The following RANBP17 variants were observed in gnomAD, a reference collection of about 807,000 sequenced individuals.
RANBP17 encodes RAN binding protein 17, also known as ran-binding protein 17.
RANBP17 carries 158 observed loss-of-function variants against 141.2 expected under a neutral mutation model. That is an observed-to-expected ratio of 1.12 (90% CI 0.98 to 1.28). RANBP17 has a LOEUF of 1.28. Among genes scored for constraint, RANBP17 ranks in the 50% most tolerant of loss-of-function variants. The pLI, the probability that RANBP17 is intolerant of heterozygous loss-of-function variation, is 0.00. For missense variants in RANBP17, 1,438 were observed against 1,290.7 expected (o/e 1.11, Z -1.75); for synonymous variants, 430 against 450.0 (o/e 0.96, Z 0.56).
Position 170,878,370 on chromosome 5 carries a change from A to G in RANBP17, c.165+127A>G, listed in dbSNP as rs939352591. On this transcript the variant is annotated intron_variant, in intron 2 of 27. Transcript: ENST00000523189. ...ATGGTTTTTTTGTTTTTGTGAAACT[A>G]TAGTTTCACTGTCAAAGGGGTTAAT... is the stretch of plus-strand genomic sequence containing the variant. 3.8e-5 allele frequency: 29 copies of G among 771,908 alleles called. No individual in the cohort carries two copies. In the South Asian group the frequency reaches 9.4e-4, roughly 25 times the overall value. The allele number at this position is 771,908 out of a possible 1,614,324, so 47.8% of individuals were successfully genotyped here.
intron 16 of RANBP17, among the ~76,000 whole-genome samples, chr5:171,177,237 G>C (rs918068886): frequency 2.0e-5 from 3 of 151,302 alleles, no homozygotes; most frequent in African/African-American, 7.4e-5. Context: ...CTAGAATCAG[G>C]TGTAGAATCC....
chr5:170,944,395 T>A (rs1774585852), intron 12 of RANBP17, among the ~76,000 whole-genome samples: 1 of 152,162 alleles, frequency 6.6e-6, no homozygotes, highest in Non-Finnish European at 1.5e-5. Flanking sequence ...GCCTCCTGAG[T>A]TGCTGAGATT....
chr5:171,033,082 A>G (rs1486656137), intron 14 of RANBP17, among the ~76,000 whole-genome samples: 1 of 123,496 alleles, frequency 8.1e-6, no homozygotes, highest in Non-Finnish European at 1.6e-5. Context: ...TATCCTTTCA[A>G]AGTCTGTGGC....
intron 14 of RANBP17, among the ~76,000 whole-genome samples, chr5:171,109,918 C>T (rs536765967): frequency 1.1e-3 from 165 of 152,064 alleles, no homozygotes; most frequent in African/African-American, 3.7e-3. Flanking sequence ...GTTTTAATAA[C>T]TTGGGAAACT....
chr5:171,130,211 C>G (rs1581698533), intron 14 of RANBP17, among the ~76,000 whole-genome samples: 1 of 152,046 alleles, frequency 6.6e-6, no homozygotes, highest in South Asian at 2.1e-4. Context: ...TTGGAACACT[C>G]TCCTCCCCCA....
chr5:171,048,097 TAG>T (rs1782710948), intron 14 of RANBP17, among the ~76,000 whole-genome samples: 1 of 152,192 alleles, frequency 6.6e-6, no homozygotes, highest in Non-Finnish European at 1.5e-5. Context: ...TTAATTGAGA[TAG>T]AGTCTCATCC....
At chr5:171,120,021 G>A (rs1464135365) in intron 14 of RANBP17, among the ~76,000 whole-genome samples, 2 of 128,282 alleles carry the variant, frequency 1.6e-5, no homozygotes, top group Non-Finnish European at 3.2e-5. Context: ...TGGGCAACAA[G>A]AGCGAAACTT....
intron 17 of RANBP17, 41 bp downstream of exon 17, chr5:171,183,271 A>G (rs1760989544): frequency 6.4e-7 from 1 of 1,568,502 alleles, no homozygotes; most frequent in Non-Finnish European, 8.8e-7. Context: ...CATTTTACGA[A>G]TAGTTGAGGT....
intron 14 of RANBP17, among the ~76,000 whole-genome samples, chr5:171,072,830 A>G (rs1784705357): frequency 6.6e-6 from 1 of 152,200 alleles, no homozygotes. Context: ...GACAAAAACT[A>G]GGAACAACCA....
At chr5:170,964,533 G>A (rs906000569) in intron 13 of RANBP17, among the ~76,000 whole-genome samples, 2 of 152,056 alleles carry the variant, frequency 1.3e-5, no homozygotes, top group African/African-American at 4.8e-5. Context: ...ATCTCCTAAT[G>A]CTATCCCTTC....
intron 4 of RANBP17, among the ~76,000 whole-genome samples, chr5:170,893,899 A>G (rs553746495): frequency 1.3e-5 from 2 of 152,252 alleles, no homozygotes; most frequent in South Asian, 2.1e-4. Flanking sequence ...AGTATGGGCA[A>G]TTTTGACTTT....
intron 14 of RANBP17, among the ~76,000 whole-genome samples, chr5:171,136,349 G>A (rs933626113): frequency 6.6e-6 from 1 of 151,984 alleles, no homozygotes; most frequent in Non-Finnish European, 1.5e-5. Context: ...ATGTCTGTGT[G>A]TGTGTTATAT....
At chr5:170,996,049 T>G (rs1778797325) in intron 14 of RANBP17, among the ~76,000 whole-genome samples, 2 of 151,948 alleles carry the variant, frequency 1.3e-5, no homozygotes, top group South Asian at 4.2e-4. Flanking sequence ...AAAAAAAAAG[T>G]TATTGCTCAT....
At chr5:171,210,580 G>T (rs904138295) in intron 20 of RANBP17, among the ~76,000 whole-genome samples, 16 of 152,066 alleles carry the variant, frequency 1.1e-4, no homozygotes, top group Admixed American at 6.6e-5. Flanking sequence ...ATGAGTTTGT[G>T]CTCAGGAGGT....
chr5:170,935,376 G>C (rs972205116), intron 12 of RANBP17, among the ~76,000 whole-genome samples: 1 of 152,224 alleles, frequency 6.6e-6, no homozygotes, highest in African/African-American at 2.4e-5. Flanking sequence ...CTTTGGAGGA[G>C]AAGAGACCCT....
At chr5:171,069,740 A>T (rs1784524981) in intron 14 of RANBP17, among the ~76,000 whole-genome samples, 1 of 152,150 alleles carries the variant, frequency 6.6e-6, no homozygotes, top group Non-Finnish European at 1.5e-5. Flanking sequence ...CTAAGCTATG[A>T]CGTTTAGTAG....
At chr5:171,239,212 G>A (rs548002187) in intron 22 of RANBP17, among the ~76,000 whole-genome samples, 1 of 152,234 alleles carries the variant, frequency 6.6e-6, no homozygotes, top group African/African-American at 2.4e-5. Context: ...TTGTCATTCA[G>A]ATATATAAAT....
intron 22 of RANBP17, among the ~76,000 whole-genome samples, chr5:171,231,933 A>G (rs1437059837): frequency 6.6e-6 from 1 of 152,200 alleles, no homozygotes; most frequent in Admixed American, 6.5e-5. Context: ...AATGCTACAA[A>G]TAGCAAAATG....
At chr5:170,933,721 GT>G (rs1304834308) in intron 12 of RANBP17, among the ~76,000 whole-genome samples, 2 of 152,094 alleles carry the variant, frequency 1.3e-5, no homozygotes, top group African/African-American at 4.8e-5. Flanking sequence ...TAGTTGAGCG[GT>G]TTTGAGTGAG....
Sources: gnomAD v4.1 joint callset for allele counts (sites outside exome capture counted in the v4.1 genomes callset) on GRCh38, gnomAD v4.1.1 for gene constraint, MANE v1.5 for transcripts, NCBI Gene and HGNC (gene_info 2026-07-23, HGNC 2026-07-21) for gene names.